EFNA5: variants seen among roughly 807,000 people sequenced by gnomAD.
The protein encoded by EFNA5 is ephrin-A5.
Under a neutral mutation model 22.9 loss-of-function variants are expected in EFNA5, and 5 were observed. The ratio of observed to expected loss-of-function variants is 0.22; its 90% CI spans 0.11 to 0.46. The LOEUF (loss-of-function observed/expected upper bound fraction) is 0.46, where lower values mean the gene tolerates loss of function less well. Ranked by LOEUF, EFNA5 falls within the 20% of genes least tolerant of loss-of-function variation. The pLI, the probability that EFNA5 is intolerant of heterozygous loss-of-function variation, is 0.99. For missense variants in EFNA5, 237 were observed against 293.3 expected, an observed-to-expected ratio of 0.81 and a Z score of 1.40; for synonymous variants, 113 against 112.2, an observed-to-expected ratio of 1.01 and a Z score of -0.04.
intron 1 of EFNA5, among the ~76,000 whole-genome samples, chr5:107,428,885 C>T (rs1378669461): frequency 6.6e-6 from 1 of 152,218 alleles, no homozygotes; most frequent in Non-Finnish European, 1.5e-5. Flanking sequence ...AAAAACAAAT[C>T]AAATTCCTCT....
intron 1 of EFNA5, among the ~76,000 whole-genome samples, chr5:107,601,357 C>A (rs1203261649): frequency 6.6e-6 from 1 of 152,098 alleles, no homozygotes; most frequent in East Asian, 1.9e-4. Context: ...TAAAGCAGAG[C>A]GTTAGGGAAG....
rs547228411 is a variant in EFNA5, at chr5:107,605,601, T to C, written c.125+64888A>G. On this transcript the variant is annotated intron_variant, in intron 1 of 4. Transcript: ENST00000333274. The stretch of plus-strand genomic sequence containing the variant: ...CCCCGACAATTTCACCTTCAAACTC[T>C]CAACCCAAAATTTCAATATGGTTCA... Among the ~76,000 whole-genome samples, 6 of 147,462 alleles carry C rather than the reference T, an allele frequency of 4.1e-5. No homozygotes were observed. The South Asian group carries it at 1.1e-3, about 27-fold the overall frequency.
chr5:107,389,564 G>C (rs1747730231), intron 2 of EFNA5, among the ~76,000 whole-genome samples: 1 of 152,236 alleles, frequency 6.6e-6, no homozygotes, highest in Non-Finnish European at 1.5e-5. Flanking sequence ...GATACTGCTA[G>C]ATAAACAGGC....
At chr5:107,598,193 T>G (rs60259356) in intron 1 of EFNA5, among the ~76,000 whole-genome samples, 8,686 of 152,150 alleles carry the variant, frequency 0.057, 831 homozygotes, top group African/African-American at 0.2. Context: ...ACTACCCCTC[T>G]CTCAGTAACA....
At chr5:107,627,477 A>C (rs907528169) in intron 1 of EFNA5, among the ~76,000 whole-genome samples, 1 of 152,146 alleles carries the variant, frequency 6.6e-6, no homozygotes, top group African/African-American at 2.4e-5. Context: ...ATGTTTAAAG[A>C]GTATTAAGCC....
intron 1 of EFNA5, among the ~76,000 whole-genome samples, chr5:107,560,564 A>G (rs1283279602): frequency 6.6e-6 from 1 of 152,112 alleles, no homozygotes; most frequent in Non-Finnish European, 1.5e-5. Context: ...CTGTGCTCAT[A>G]CTTTAGCTGG....
At chr5:107,577,106 A>G (rs990530035) in intron 1 of EFNA5, among the ~76,000 whole-genome samples, 2 of 152,216 alleles carry the variant, frequency 1.3e-5, no homozygotes, top group Non-Finnish European at 2.9e-5. Flanking sequence ...GCAGCAGATC[A>G]GATTGTGAAA....
At chr5:107,418,510 G>A (rs1041550319) in intron 2 of EFNA5, among the ~76,000 whole-genome samples, 1 of 152,158 alleles carries the variant, frequency 6.6e-6, no homozygotes, top group Non-Finnish European at 1.5e-5. Context: ...GTCTCAGTAG[G>A]GTAAAGGAAG....
chr5:107,515,362 T>TTTTTTATTATTATTA (rs71624878), intron 1 of EFNA5, among the ~76,000 whole-genome samples: 9 of 141,320 alleles, frequency 6.4e-5, no homozygotes, highest in African/African-American at 2.1e-4. Context: ...TATTTTTTAT[T>TTTTTTATTATTATTA]TTATTATTAT....
chr5:107,656,717 T>G (rs1750833061), intron 1 of EFNA5, among the ~76,000 whole-genome samples: 1 of 152,150 alleles, frequency 6.6e-6, no homozygotes, highest in Non-Finnish European at 1.5e-5. Context: ...TACACATTCC[T>G]TTAAATTTTC....
At chr5:107,401,518 C>G (rs574955213) in intron 2 of EFNA5, among the ~76,000 whole-genome samples, 1 of 152,176 alleles carries the variant, frequency 6.6e-6, no homozygotes, top group Non-Finnish European at 1.5e-5. Flanking sequence ...ACAGCCTCTC[C>G]CCTGTGATAC....
At chr5:107,444,421 ATGCTCT>A (rs1301218203) in intron 1 of EFNA5, among the ~76,000 whole-genome samples, 2 of 152,280 alleles carry the variant, frequency 1.3e-5, no homozygotes, top group Non-Finnish European at 2.9e-5. Flanking sequence ...AGATTTTTAC[ATGCTCT>A]TGCATCTATA....
At chr5:107,506,707 A>G (rs933053243) in intron 1 of EFNA5, among the ~76,000 whole-genome samples, 2 of 152,218 alleles carry the variant, frequency 1.3e-5, no homozygotes, top group East Asian at 3.8e-4. Flanking sequence ...TAACATGATC[A>G]GAAGAGCAAG....
chr5:107,405,729 T>C (rs930480110), intron 2 of EFNA5, among the ~76,000 whole-genome samples: 1 of 151,808 alleles, frequency 6.6e-6, no homozygotes, highest in Non-Finnish European at 1.5e-5. Flanking sequence ...TGTTCTAAAC[T>C]CTCCAATGGC....
At chr5:107,564,675 T>C (rs1748626603) in intron 1 of EFNA5, among the ~76,000 whole-genome samples, 1 of 148,516 alleles carries the variant, frequency 6.7e-6, no homozygotes, top group African/African-American at 2.5e-5. Context: ...CCATCTGTAA[T>C]GACCTGGGCA....
chr5:107,526,079 T>C (rs891855196), intron 1 of EFNA5, among the ~76,000 whole-genome samples: 6 of 152,196 alleles, frequency 3.9e-5, no homozygotes, highest in African/African-American at 1.4e-4. Context: ...CCATTTTGTG[T>C]ATAGCCAGCA....
In EFNA5 at chr5:107,589,475, TACACACAC is replaced by T. The variant is rs371606425; in HGVS notation, c.125+81006_125+81013del. On this transcript the variant is annotated intron_variant, in intron 1 of 4. Coordinates refer to ENST00000333274, the MANE Select transcript of EFNA5 (RefSeq NM_001962.3). ...ACTAAAAACTGACTATAAACATATATACACACACACACACACCAACAAAGGAGTAAGTT... is the reference window on the plus strand; with the variant it reads ...ACTAAAAACTGACTATAAACATATATACACACACCAACAAAGGAGTAAGTT... Among the ~76,000 whole-genome samples the T allele has an allele frequency of 1.8e-3, 269 of 151,536 alleles. 2 individuals carry two copies. The highest frequency in any genetic ancestry group is 6.0e-3 in the African/African-American group (249 of 41,368).
intron 1 of EFNA5, among the ~76,000 whole-genome samples, chr5:107,617,201 T>G (rs528657395): frequency 7.0e-6 from 1 of 143,206 alleles, no homozygotes; most frequent in South Asian, 2.1e-4. Context: ...CATACTTACA[T>G]GTGCACATAC....
intron 1 of EFNA5, among the ~76,000 whole-genome samples, chr5:107,559,673 A>G (rs552671729): frequency 5.3e-5 from 8 of 152,348 alleles, no homozygotes; most frequent in African/African-American, 1.9e-4. Context: ...TATGGTCTCA[A>G]ATATAACTGT....
Sources: allele counts gnomAD v4.1 joint callset (sites outside exome capture counted in the v4.1 genomes callset), GRCh38; gene constraint gnomAD v4.1.1; transcripts MANE v1.5; gene names NCBI Gene and HGNC (gene_info 2026-07-23, HGNC 2026-07-21).